Variants in HSD17B11 observed in about 807,000 individuals in gnomAD.
HSD17B11 encodes estradiol 17-beta-dehydrogenase 11.
In HSD17B11, 22 loss-of-function variants were observed where a neutral mutation model predicts 27.8. The ratio of observed to expected loss-of-function variants is 0.79; its 90% CI spans 0.56 to 1.13. The LOEUF is 1.13. Ranked by LOEUF, HSD17B11 falls within the 50% of genes most tolerant of loss-of-function variation. The probability of loss-of-function intolerance (pLI) is 0.00; values close to 1 mark genes in which losing one functional copy is unlikely to be tolerated. For synonymous variants in HSD17B11, 117 were observed against 132.8 expected (o/e 0.88, Z 0.82); for missense variants, 314 against 351.1 (o/e 0.89, Z 0.84).
chr4:87,370,560 C>A (rs1167677769), intron 4 of HSD17B11, among the ~76,000 whole-genome samples: 3 of 151,268 alleles, frequency 2.0e-5, no homozygotes, highest in Non-Finnish European at 2.9e-5. Flanking sequence ...GGACTACAGG[C>A]ACGTACCACA....
chr4:87,378,892 A>AT (rs1720022983), intron 2 of HSD17B11, among the ~76,000 whole-genome samples: 1 of 11,910 alleles, frequency 8.4e-5, no homozygotes, highest in African/African-American at 4.2e-4. Flanking sequence ...ATATATATAT[A>AT]TAAATATATA....
Position 87,372,786 on chromosome 4 carries a change from C to T in HSD17B11, c.480G>A (p.Thr160=), listed in dbSNP as rs139110766. The T allele has an allele frequency of 3.7e-4, 594 of 1,613,258 alleles. 1 individual carries two copies. In the African/African-American group the frequency reaches 6.5e-3, roughly 18 times the overall value. ...TGACAATATGGCCATGGTTATTCTT[C>T]GTCATTGCAGGAAGAAATGCCTTTG... ...WTTKAFLPAM[T]KNNHGHIVTV... is the part of the protein sequence containing the mutation. Residue 160 remains threonine, a synonymous_variant, in exon 4 of 7, where the codon ACG becomes ACA. Coordinates refer to ENST00000358290, the MANE Select transcript of HSD17B11 (RefSeq NM_016245.5).
intron 2 of HSD17B11, among the ~76,000 whole-genome samples, chr4:87,380,855 C>G (rs1408362057): frequency 6.0e-5 from 5 of 83,764 alleles, no homozygotes; most frequent in African/African-American, 2.6e-4. Flanking sequence ...TAGAGCTAGA[C>G]TCTATCTCAA....
At chr4:87,363,761 A>G (rs527840422) in intron 4 of HSD17B11, among the ~76,000 whole-genome samples, 2 of 152,364 alleles carry the variant, frequency 1.3e-5, no homozygotes, top group African/African-American at 4.8e-5. Flanking sequence ...CCTGTAGCTC[A>G]GTAGCTAAGG....
intron 1 of HSD17B11, among the ~76,000 whole-genome samples, chr4:87,388,139 T>G (rs1480100048): frequency 6.9e-6 from 1 of 145,200 alleles, no homozygotes; most frequent in Non-Finnish European, 1.5e-5. Context: ...GCCATGTATA[T>G]AATTTTAATC....
At chr4:87,343,132 G>A (rs540250417) in intron 5 of HSD17B11, among the ~76,000 whole-genome samples, 79 of 152,256 alleles carry the variant, frequency 5.2e-4, no homozygotes, top group African/African-American at 1.8e-3. Flanking sequence ...CTTTTCTAGT[G>A]TACCCGATTT....
At chr4:87,377,255 G>A (rs1735847466) in intron 2 of HSD17B11, among the ~76,000 whole-genome samples, 2 of 152,176 alleles carry the variant, frequency 1.3e-5, no homozygotes, top group Admixed American at 6.5e-5. Flanking sequence ...TTCAAGACCA[G>A]CCTGACCAAC....
intron 5 of HSD17B11, among the ~76,000 whole-genome samples, chr4:87,347,103 A>ATTTTTTTTTTTTTTT (rs763068482): frequency 6.4e-5 from 4 of 62,590 alleles, no homozygotes; most frequent in Non-Finnish European, 1.1e-4. Flanking sequence ...AGTATTCTGG[A>ATTTTTTTTTTTTTTT]TTTTTTTTTT....
intron 1 of HSD17B11, among the ~76,000 whole-genome samples, chr4:87,383,040 A>G (rs958171115): frequency 6.6e-6 from 1 of 152,200 alleles, no homozygotes; most frequent in East Asian, 1.9e-4. Context: ...AGTTACGGGA[A>G]CACAGAGGGG....
At chr4:87,383,887 C>G (rs1324661234) in intron 1 of HSD17B11, among the ~76,000 whole-genome samples, 4 of 151,628 alleles carry the variant, frequency 2.6e-5, no homozygotes, top group African/African-American at 9.7e-5. Context: ...ACAAAAACTG[C>G]AATTACTTTT....
Position 87,390,883 on chromosome 4 carries a change from A to G in HSD17B11, c.188T>C (p.Leu63Pro), listed in dbSNP as rs1192568832. 1 of 1,614,034 alleles carries G rather than the reference A, an allele frequency of 6.2e-7. No homozygotes were observed. The highest frequency in any genetic ancestry group is 8.5e-7 in the Non-Finnish European group (1 of 1,179,978). ...AYEFAKLKSK[L>P]VLWDINKHGL... ...TACCTTATTTATATCCCAGAGAACCAGCTTGCTTTTAAGTTTAGCAAATTC... is the reference window on the plus strand; with the variant it reads ...TACCTTATTTATATCCCAGAGAACCGGCTTGCTTTTAAGTTTAGCAAATTC... Residue 63 changes from leucine to proline, a missense_variant, in exon 1 of 7, where the codon CTG (leucine) becomes CCG (proline). By Grantham distance (98) the Leu-to-Pro change is moderately conservative. Coordinates refer to ENST00000358290, the MANE Select transcript of HSD17B11 (RefSeq NM_016245.5).
chr4:87,342,209 C>T (rs377406193), intron 5 of HSD17B11, among the ~76,000 whole-genome samples: 2 of 151,760 alleles, frequency 1.3e-5, no homozygotes, highest in African/African-American at 4.8e-5. Context: ...ATGATGAAAC[C>T]CCATCTCTAC....
intron 4 of HSD17B11, among the ~76,000 whole-genome samples, chr4:87,364,107 G>C (rs1390875015): frequency 6.6e-6 from 1 of 151,826 alleles, no homozygotes; most frequent in Non-Finnish European, 1.5e-5. Flanking sequence ...GCTGGAAAAA[G>C]GTTTTTTCTT....
chr4:87,382,343 G>A lies in HSD17B11; in HGVS notation c.230C>T (p.Ala77Val). 1.2e-6 allele frequency: 2 copies of A among 1,613,604 alleles called. No homozygotes were observed. The highest frequency in any genetic ancestry group is 1.1e-5 in the South Asian group (1 of 91,020). The change falls in exon 2 of 7, where the codon GCT (alanine) becomes GTT (valine). Residue 77 changes from alanine (A) to valine (V), a missense_variant. Transcript: ENST00000358290. ...DINKHGLEETAAKCKGLGAKV... is the reference protein window; with the variant it reads ...DINKHGLEETVAKCKGLGAKV... ...GGCACCCAGTCCCTTGCATTTGGCA[G>A]CTGTTTCCTCCAGTCCATGCTAGAA...
Position 87,336,740 on chromosome 4 carries a change from G to A in HSD17B11, c.*536C>T, listed in dbSNP as rs569039158. The stretch of plus-strand genomic sequence containing the variant: ...TAGCTTCCCTGTGCAGAAATGTTTG[G>A]CATTGGAATGTGAGGTATCTCTCAG... On this transcript the variant is annotated 3_prime_UTR_variant, in exon 7 of 7. Transcript: ENST00000358290. The A allele has an allele frequency of 2.6e-5, 4 of 153,648 alleles. No individual in the cohort carries two copies. The highest frequency in any genetic ancestry group is 2.1e-4 in the South Asian group (1 of 4,846). The allele number at this position is 153,648 out of a possible 1,614,324, so 9.5% of individuals were successfully genotyped here.
intron 4 of HSD17B11, among the ~76,000 whole-genome samples, chr4:87,372,242 CAAAAAAA>C (rs10618602): frequency 0.4 from 39,969 of 100,010 alleles, 6,586 homozygotes; most frequent in African/African-American, 0.45. Context: ...GACTCCGTCT[CAAAAAAA>C]AAAAAAAAAA....
chr4:87,379,646 TA>T (rs1255764023), intron 2 of HSD17B11, among the ~76,000 whole-genome samples: 2 of 145,506 alleles, frequency 1.4e-5, no homozygotes, highest in African/African-American at 5.0e-5. Context: ...ATATTATATG[TA>T]TATGTATGTA....
chr4:87,357,535 C>A, intron 4 of HSD17B11, 119 bp from the exon 5 acceptor site: 1 of 857,300 alleles, frequency 1.2e-6, no homozygotes, highest in Non-Finnish European at 1.7e-6. Context: ...AGGCCCCAGC[C>A]CAGAGCTACT....
chr4:87,375,730 A>C (rs1304804097), intron 2 of HSD17B11, among the ~76,000 whole-genome samples: 1 of 152,240 alleles, frequency 6.6e-6, no homozygotes, highest in Non-Finnish European at 1.5e-5. Flanking sequence ...AACAAAAGCA[A>C]AACTCCGTCT....
Sources: allele counts gnomAD v4.1 joint callset (sites outside exome capture counted in the v4.1 genomes callset), GRCh38; gene constraint gnomAD v4.1.1; transcripts MANE v1.5; gene names NCBI Gene and HGNC (gene_info 2026-07-23, HGNC 2026-07-21).